Variants in BAALC observed in about 807,000 individuals in gnomAD.
BAALC encodes the protein brain and acute leukemia cytoplasmic protein.
A neutral mutation model predicts 15.5 loss-of-function variants in BAALC; 9 were observed. The observed-to-expected ratio is 0.58, with a 90% CI of 0.35 to 1.02. The LOEUF is 1.02. Ranked by LOEUF, BAALC falls within the 50% of genes least tolerant of loss-of-function variation. BAALC has a pLI of 0.02. For missense variants in BAALC, 201 were observed against 192.4 expected, an observed-to-expected ratio of 1.04 and a Z score of -0.27; for synonymous variants, 80 against 74.6, an observed-to-expected ratio of 1.07 and a Z score of -0.37.
intron 1 of BAALC, among the ~76,000 whole-genome samples, chr8:103,194,660 A>G (rs933477707): frequency 7.2e-5 from 11 of 152,208 alleles, no homozygotes; most frequent in African/African-American, 2.7e-4. Context: ...AATTAAACAC[A>G]AATTTGTTTC....
chr8:103,173,541 CAG>C (rs1365715600), intron 1 of BAALC, among the ~76,000 whole-genome samples: 1 of 152,076 alleles, frequency 6.6e-6, no homozygotes, highest in Non-Finnish European at 1.5e-5. Flanking sequence ...TACCATGAAA[CAG>C]AAGAATGATA....
intron 1 of BAALC, among the ~76,000 whole-genome samples, chr8:103,199,380 T>C (rs1028767743): frequency 1.3e-5 from 2 of 152,230 alleles, no homozygotes; most frequent in Non-Finnish European, 2.9e-5. Flanking sequence ...AAATTTTGCA[T>C]AGCTCTATTT....
At chr8:103,173,477 G>C (rs774452192) in intron 1 of BAALC, among the ~76,000 whole-genome samples, 8 of 152,124 alleles carry the variant, frequency 5.3e-5, no homozygotes, top group Non-Finnish European at 1.0e-4. Flanking sequence ...ATCCTAATAA[G>C]TTGAGATCAT....
chr8:103,149,326 C>G (rs373012246), intron 1 of BAALC, among the ~76,000 whole-genome samples: 8 of 152,346 alleles, frequency 5.3e-5, no homozygotes, highest in African/African-American at 1.9e-4. Context: ...ATCTCCATCT[C>G]CATAGAAAGG....
chr8:103,187,365 A>G (rs1811863475), intron 1 of BAALC, among the ~76,000 whole-genome samples: 1 of 152,236 alleles, frequency 6.6e-6, no homozygotes, highest in Non-Finnish European at 1.5e-5. Context: ...CCAGTCGGGT[A>G]GAGACCAGGG....
intron 1 of BAALC, among the ~76,000 whole-genome samples, chr8:103,192,332 G>A (rs576973262): frequency 1.3e-4 from 20 of 152,298 alleles, no homozygotes; most frequent in African/African-American, 4.6e-4. Flanking sequence ...GATTACAGGC[G>A]TGAGCCACCG....
chr8:103,195,970 A>C (rs1812087086), intron 1 of BAALC, among the ~76,000 whole-genome samples: 1 of 152,176 alleles, frequency 6.6e-6, no homozygotes, highest in Non-Finnish European at 1.5e-5. Flanking sequence ...CCCGGTCTTG[A>C]GGAGGAGTCT....
At chr8:103,153,092 G>C (rs1003670319) in intron 1 of BAALC, 1 of 152,214 alleles carries the variant, frequency 6.6e-6, no homozygotes, top group African/African-American at 2.4e-5. Context: ...TTGGATGTGG[G>C]CTTCCCCAGC....
chr8:103,207,983 A>C (rs1435829799), intron 1 of BAALC, among the ~76,000 whole-genome samples: 1 of 152,224 alleles, frequency 6.6e-6, no homozygotes, highest in South Asian at 2.1e-4. Flanking sequence ...TCTTGACCAC[A>C]CTGGACAGAT....
At chr8:103,173,924 T>C (rs747699572) in intron 1 of BAALC, among the ~76,000 whole-genome samples, 7 of 152,120 alleles carry the variant, frequency 4.6e-5, no homozygotes, top group Non-Finnish European at 8.8e-5. Context: ...GTAGTCTACA[T>C]AAGAACCAAA....
intron 1 of BAALC, chr8:103,198,009 G>A: frequency 1.6e-6 from 1 of 621,374 alleles, no homozygotes; most frequent in Non-Finnish European, 2.9e-6. Flanking sequence ...TCTGCTCTGT[G>A]AGGACTAACC....
intron 2 of BAALC, among the ~76,000 whole-genome samples, chr8:103,225,664 T>C (rs1409557172): frequency 6.6e-6 from 1 of 152,086 alleles, no homozygotes; most frequent in Non-Finnish European, 1.5e-5. Context: ...CCCAAGAGGC[T>C]AAGGGGCAGC....
chr8:103,148,973 A>G (rs1295450561), intron 1 of BAALC, among the ~76,000 whole-genome samples: 1 of 152,214 alleles, frequency 6.6e-6, no homozygotes, highest in African/African-American at 2.4e-5. Flanking sequence ...ACTAGTTTAT[A>G]TCACCCTCCG....
At chr8:103,227,394 G>C (rs1053816741) in intron 2 of BAALC, among the ~76,000 whole-genome samples, 1 of 152,072 alleles carries the variant, frequency 6.6e-6, no homozygotes, top group African/African-American at 2.4e-5. Context: ...TACCTTCCAG[G>C]GGGACTCCCT....
At chr8:103,149,796 A>G (rs1306598943) in intron 1 of BAALC, among the ~76,000 whole-genome samples, 1 of 152,184 alleles carries the variant, frequency 6.6e-6, no homozygotes, top group African/African-American at 2.4e-5. Context: ...CTGGGCAAAT[A>G]TACTTGAATT....
intron 2 of BAALC, among the ~76,000 whole-genome samples, chr8:103,220,927 G>C (rs186148635): frequency 1.3e-3 from 195 of 152,308 alleles, no homozygotes; most frequent in African/African-American, 4.4e-3. Context: ...ACTATGAAAA[G>C]GTTTGTATAA....
intron 1 of BAALC, chr8:103,165,478 A>G (rs1811323526): frequency 1.3e-5 from 2 of 152,212 alleles, no homozygotes; most frequent in South Asian, 4.1e-4. Context: ...CAAAGAAATT[A>G]TGTTCCATTC....
rs1407902212 is a variant in BAALC, at chr8:103,228,500, TTC to T, written c.*403_*404del. The T allele has an allele frequency of 6.4e-6, 1 of 156,772 alleles. No homozygotes were observed. Among genetic ancestry groups the T allele is most frequent in the Non-Finnish European group, 1.4e-5 (1 of 71,290 alleles). 9.7% of individuals were successfully genotyped at this position (156,772 alleles called of 1,614,324 possible). The stretch of plus-strand genomic sequence containing the variant: ...TAACTCTCCTGCCCATGATAGTGTA[TTC>T]TGTTTCAGGCAAGCTTATTCTTTCC... On this transcript the variant is annotated 3_prime_UTR_variant, in exon 3 of 3. Coordinates refer to ENST00000309982, the MANE Select transcript of BAALC (RefSeq NM_024812.3).
chr8:103,224,504 G>A (rs1249853641), intron 2 of BAALC, among the ~76,000 whole-genome samples: 1 of 152,144 alleles, frequency 6.6e-6, no homozygotes, highest in East Asian at 1.9e-4. Flanking sequence ...TTTATCTGAA[G>A]ACCTAGGATC....
Sources: allele counts gnomAD v4.1 joint callset (sites outside exome capture counted in the v4.1 genomes callset), GRCh38; gene constraint gnomAD v4.1.1; transcripts MANE v1.5; gene names NCBI Gene and HGNC (gene_info 2026-07-23, HGNC 2026-07-21).